The following COL19A1 variants were observed in gnomAD, a reference collection of about 807,000 sequenced individuals.
COL19A1 encodes collagen type XIX alpha 1 chain.
Under a neutral mutation model 190.2 loss-of-function variants are expected in COL19A1, and 159 were observed. The ratio of observed to expected loss-of-function variants is 0.84; its 90% CI spans 0.73 to 0.95. The LOEUF is 0.95. COL19A1 is among the 40% of genes least tolerant of loss of function. COL19A1 has a pLI of 0.00. For missense variants in COL19A1, 1,418 were observed against 1,431.9 expected, an observed-to-expected ratio of 0.99 and a Z score of 0.16; for synonymous variants, 509 against 458.9, an observed-to-expected ratio of 1.11 and a Z score of -1.39.
At chr6:69,941,460 GA>G (rs1198439454) in intron 9 of COL19A1, among the ~76,000 whole-genome samples, 1 of 152,130 alleles carries the variant, frequency 6.6e-6, no homozygotes, top group Non-Finnish European at 1.5e-5. Context: ...GTGGCTTGAT[GA>G]AGAACAAAGG....
intron 4 of COL19A1, among the ~76,000 whole-genome samples, chr6:69,904,156 G>C (rs941000641): frequency 2.0e-5 from 3 of 152,136 alleles, no homozygotes; most frequent in African/African-American, 7.2e-5. Flanking sequence ...CCCTCATGTG[G>C]GAGGGAAAGC....
At chr6:70,033,109 G>GT (rs766442563) in intron 12 of COL19A1, among the ~76,000 whole-genome samples, 6 of 151,992 alleles carry the variant, frequency 3.9e-5, no homozygotes, top group East Asian at 1.9e-4. Flanking sequence ...GCAACTAGAA[G>GT]TTTTTTTTGC....
At chr6:69,993,811 G>A (rs192172367) in intron 11 of COL19A1, among the ~76,000 whole-genome samples, 170 of 151,952 alleles carry the variant, frequency 1.1e-3, no homozygotes, top group African/African-American at 3.9e-3. Flanking sequence ...CGTCCCTTTT[G>A]TCATTTCTGA....
At chr6:70,147,829 C>A (rs1007493835) in intron 27 of COL19A1, among the ~76,000 whole-genome samples, 29 of 152,262 alleles carry the variant, frequency 1.9e-4, no homozygotes, top group African/African-American at 6.7e-4. Context: ...ACCTTCATGA[C>A]TTCTGTCCAA....
chr6:70,102,718 A>G (rs1290637884), intron 16 of COL19A1, among the ~76,000 whole-genome samples: 1 of 152,050 alleles, frequency 6.6e-6, no homozygotes, highest in Non-Finnish European at 1.5e-5. Flanking sequence ...CTTTACCCCA[A>G]GCTTCTAGAA....
At chr6:69,944,063 T>C (rs1219913688) in intron 9 of COL19A1, among the ~76,000 whole-genome samples, 1 of 152,162 alleles carries the variant, frequency 6.6e-6, no homozygotes, top group Non-Finnish European at 1.5e-5. Flanking sequence ...TGTTCACTTT[T>C]GCTCCAAGTC....
At chr6:70,188,773 T>A (rs1199028106) in intron 47 of COL19A1, among the ~76,000 whole-genome samples, 1 of 152,172 alleles carries the variant, frequency 6.6e-6, no homozygotes, top group Non-Finnish European at 1.5e-5. Flanking sequence ...AGCCCATATC[T>A]TTATTAATCC....
chr6:69,869,535 C>A (rs1767689274), intron 1 of COL19A1, among the ~76,000 whole-genome samples: 1 of 150,564 alleles, frequency 6.6e-6, no homozygotes, highest in African/African-American at 2.5e-5. Context: ...ATCAGAAAAC[C>A]AGTAGAGCCC....
chr6:69,924,163 T>G (rs1198652458), intron 4 of COL19A1, among the ~76,000 whole-genome samples: 7 of 152,310 alleles, frequency 4.6e-5, no homozygotes, highest in Admixed American at 1.3e-4. Flanking sequence ...GCAGGTTTGT[T>G]ACATATGTAT....
At chr6:70,017,069 A>C (rs1010269765) in intron 11 of COL19A1, among the ~76,000 whole-genome samples, 1 of 152,150 alleles carries the variant, frequency 6.6e-6, no homozygotes, top group African/African-American at 2.4e-5. Flanking sequence ...TGTTCATGGC[A>C]GCATTATTTA....
chr6:70,135,131 C>T (rs1785770441), intron 18 of COL19A1, among the ~76,000 whole-genome samples: 1 of 152,176 alleles, frequency 6.6e-6, no homozygotes, highest in South Asian at 2.1e-4. Flanking sequence ...AGATGAAGAA[C>T]TGCATAAGGC....
intron 1 of COL19A1, among the ~76,000 whole-genome samples, chr6:69,871,565 C>G (rs1260525480): frequency 6.6e-6 from 1 of 152,116 alleles, no homozygotes; most frequent in East Asian, 1.9e-4. Flanking sequence ...TAAGTGTTCT[C>G]TTTCTATTTC....
chr6:69,885,521 A>G (rs1386651376), intron 2 of COL19A1, among the ~76,000 whole-genome samples: 3 of 152,200 alleles, frequency 2.0e-5, no homozygotes, highest in Non-Finnish European at 4.4e-5. Context: ...TCTCAAATGC[A>G]ATACAATTTT....
In COL19A1 at chr6:70,208,812, C is replaced by T. The variant is rs908218366; in HGVS notation, c.*1538C>T. 1 of 152,600 alleles carries T rather than the reference C, an allele frequency of 6.6e-6. No homozygotes were observed. The highest frequency in any genetic ancestry group is 2.4e-5 in the African/African-American group (1 of 41,442). The allele number at this position is 152,600 out of a possible 1,614,324, so 9.5% of individuals were successfully genotyped here. A position where few individuals can be genotyped will look rare whatever the true frequency, so the allele number is the denominator to read the frequency against. Reference sequence around the variant, plus strand: ...GAAAAAGCTGTGAACAGAGTTGTGTCTGAGGAATGTGCCTAATTTAAGGCA... The same window carrying T: ...GAAAAAGCTGTGAACAGAGTTGTGTTTGAGGAATGTGCCTAATTTAAGGCA... On this transcript the variant is annotated 3_prime_UTR_variant, in exon 51 of 51. Transcript: ENST00000620364.
intron 15 of COL19A1, among the ~76,000 whole-genome samples, chr6:70,086,631 A>G (rs1389509846): frequency 6.6e-6 from 1 of 152,212 alleles, no homozygotes; most frequent in African/African-American, 2.4e-5. Context: ...ATTTTTTACA[A>G]AGGTTTTATC....
chr6:70,143,560 G>T (rs181363220), intron 23 of COL19A1, among the ~76,000 whole-genome samples: 2 of 151,970 alleles, frequency 1.3e-5, no homozygotes, highest in Admixed American at 6.6e-5. Flanking sequence ...CATGCCCTGG[G>T]AACAGCCCCT....
At chr6:70,119,439 G>C (rs1784757501) in intron 16 of COL19A1, among the ~76,000 whole-genome samples, 1 of 152,130 alleles carries the variant, frequency 6.6e-6, no homozygotes, top group African/African-American at 2.4e-5. Flanking sequence ...TAGAAGTTTT[G>C]TTGATTTTTT....
At chr6:70,112,891 C>T (rs1275744087) in intron 16 of COL19A1, among the ~76,000 whole-genome samples, 1 of 152,158 alleles carries the variant, frequency 6.6e-6, no homozygotes, top group African/African-American at 2.4e-5. Flanking sequence ...AGTATGCAGG[C>T]CAGAAGCAGA....
At chr6:70,016,366 T>TTAAAAAAAAAA (rs1554189059) in intron 11 of COL19A1, among the ~76,000 whole-genome samples, 1 of 37,640 alleles carries the variant, frequency 2.7e-5, no homozygotes, top group African/African-American at 1.4e-4. Flanking sequence ...TAGAGTATAA[T>TTAAAAAAAAAA]AAAAAAAAAA....
Sources: allele counts gnomAD v4.1 joint callset (sites outside exome capture counted in the v4.1 genomes callset), GRCh38; gene constraint gnomAD v4.1.1; transcripts MANE v1.5; gene names NCBI Gene and HGNC (gene_info 2026-07-23, HGNC 2026-07-21).